FYN: variants seen among roughly 807,000 people sequenced by gnomAD.
The protein encoded by FYN is FYN proto-oncogene, Src family tyrosine kinase, also known as tyrosine-protein kinase Fyn.
Under a neutral mutation model 70.2 loss-of-function variants are expected in FYN, and 10 were observed. That is an observed-to-expected ratio of 0.14 (90% CI 0.09 to 0.24). The LOEUF (loss-of-function observed/expected upper bound fraction) is 0.24. Among genes scored for constraint, FYN ranks in the 10% least tolerant of loss-of-function variants. FYN has a pLI of 1.00. For missense variants in FYN, 319 were observed against 673.1 expected, an observed-to-expected ratio of 0.47 and a Z score of 5.82; for synonymous variants, 236 against 248.6, an observed-to-expected ratio of 0.95 and a Z score of 0.48.
intron 3 of FYN, among the ~76,000 whole-genome samples, chr6:111,775,168 A>G (rs993173311): frequency 2.6e-5 from 4 of 152,220 alleles, no homozygotes; most frequent in Admixed American, 2.0e-4. Context: ...CTAGTCATGC[A>G]CTAGAATATG....
intron 2 of FYN, among the ~76,000 whole-genome samples, chr6:111,806,604 C>A (rs1012405677): frequency 6.6e-6 from 1 of 152,146 alleles, no homozygotes; most frequent in African/African-American, 2.4e-5. Flanking sequence ...GCAGAGTGAC[C>A]CTCATAGGAC....
intron 2 of FYN, among the ~76,000 whole-genome samples, chr6:111,831,308 T>C (rs1455136092): frequency 1.3e-5 from 2 of 152,214 alleles, no homozygotes; most frequent in African/African-American, 2.4e-5. Context: ...TTCTATCATC[T>C]TGTTAAAATT....
intron 2 of FYN, among the ~76,000 whole-genome samples, chr6:111,845,238 C>T (rs1773491747): frequency 6.6e-6 from 1 of 152,260 alleles, no homozygotes; most frequent in Admixed American, 6.5e-5. Context: ...GGGCTCCTGG[C>T]ACCCATAGGC....
chr6:111,837,442 T>C (rs1479088420), intron 2 of FYN, among the ~76,000 whole-genome samples: 1 of 152,152 alleles, frequency 6.6e-6, no homozygotes, highest in Non-Finnish European at 1.5e-5. Flanking sequence ...CGTAGCATTA[T>C]CTATGTTGAC....
intron 12 of FYN, among the ~76,000 whole-genome samples, chr6:111,678,033 ACT>A (rs140448719): frequency 3.3e-4 from 49 of 150,704 alleles, no homozygotes; most frequent in African/African-American, 1.2e-3. Flanking sequence ...AGAAGTGACC[ACT>A]CTGTCATTTC....
chr6:111,825,692 C>T (rs930938989), intron 2 of FYN, among the ~76,000 whole-genome samples: 34 of 152,250 alleles, frequency 2.2e-4, no homozygotes, highest in African/African-American at 8.2e-4. Context: ...TTGCCCTGAC[C>T]TGTTTGGGGG....
At chr6:111,684,244 G>C (rs958568452) in intron 12 of FYN, among the ~76,000 whole-genome samples, 1 of 152,108 alleles carries the variant, frequency 6.6e-6, no homozygotes, top group Non-Finnish European at 1.5e-5. Flanking sequence ...GTGGAAGGTG[G>C]GCCCGAACAT....
chr6:111,722,262 C>T (rs1302771477), intron 3 of FYN, among the ~76,000 whole-genome samples: 1 of 152,222 alleles, frequency 6.6e-6, no homozygotes, highest in Non-Finnish European at 1.5e-5. Context: ...ATCTGGAACA[C>T]ATTTACTCCT....
At chr6:111,830,751 TATA>T (rs1325316242) in intron 2 of FYN, among the ~76,000 whole-genome samples, 1 of 152,128 alleles carries the variant, frequency 6.6e-6, no homozygotes, top group Non-Finnish European at 1.5e-5. Context: ...TATGACAACC[TATA>T]ATATTAGTAA....
intron 3 of FYN, among the ~76,000 whole-genome samples, chr6:111,767,247 A>T (rs1803259643): frequency 1.3e-5 from 2 of 152,194 alleles, no homozygotes; most frequent in Admixed American, 1.3e-4. Flanking sequence ...AACAAGAGTA[A>T]AAATCAGGTA....
chr6:111,866,032 C>G (rs565143674), intron 1 of FYN, among the ~76,000 whole-genome samples: 8 of 152,194 alleles, frequency 5.3e-5, no homozygotes, highest in Non-Finnish European at 1.0e-4. Context: ...AGTTTCCTTA[C>G]ATACACACAA....
intron 2 of FYN, chr6:111,798,436 G>T (rs1370033616): frequency 1.3e-5 from 2 of 152,212 alleles, no homozygotes; most frequent in Non-Finnish European, 2.9e-5. Context: ...TGAATTCTTT[G>T]ACTTTGACAA....
intron 3 of FYN, among the ~76,000 whole-genome samples, chr6:111,771,476 A>T (rs1013420779): frequency 6.6e-6 from 1 of 152,222 alleles, no homozygotes; most frequent in Non-Finnish European, 1.5e-5. Flanking sequence ...AATCCAGTTA[A>T]ATAACACTTC....
intron 13 of FYN, among the ~76,000 whole-genome samples, chr6:111,663,996 T>C (rs1161854999): frequency 6.6e-6 from 1 of 152,216 alleles, no homozygotes; most frequent in Non-Finnish European, 1.5e-5. Flanking sequence ...GTAACTCACT[T>C]GACTACAGAA....
At chr6:111,783,247 G>T (rs1771242647) in intron 2 of FYN, among the ~76,000 whole-genome samples, 1 of 152,108 alleles carries the variant, frequency 6.6e-6, no homozygotes, top group African/African-American at 2.4e-5. Context: ...ATTTGCTTTG[G>T]CAGAAATTCA....
chr6:111,823,472 C>T lies in FYN; in HGVS notation c.-82+23117G>A, dbSNP rs112578260. Among the ~76,000 whole-genome samples the T allele has an allele frequency of 4.4e-3, 673 of 152,280 alleles. 3 individuals are homozygous for T. Among genetic ancestry groups the T allele is most frequent in the African/African-American group, 0.015 (640 of 41,566 alleles). Reference sequence around the variant, plus strand: ...CTCAAGCGTTACGGCTTTCTGTAAGCTTGGCATTGAGGAGAAAATGTCAGG... The same window carrying T: ...CTCAAGCGTTACGGCTTTCTGTAAGTTTGGCATTGAGGAGAAAATGTCAGG... On this transcript the variant is annotated intron_variant, in intron 2 of 13. Coordinates refer to ENST00000354650, the MANE Select transcript of FYN (RefSeq NM_002037.5).
chr6:111,830,634 C>T (rs1490590260), intron 2 of FYN, among the ~76,000 whole-genome samples: 1 of 152,006 alleles, frequency 6.6e-6, no homozygotes, highest in Non-Finnish European at 1.5e-5. Flanking sequence ...TGAAAGAACA[C>T]AGAATAAAAA....
rs553814951 is a variant in FYN, at chr6:111,707,175, A to G, written c.443+747T>C. Among the ~76,000 whole-genome samples, 5 of 152,326 alleles carry G rather than the reference A, an allele frequency of 3.3e-5. No homozygotes were observed. The South Asian group carries it at 1.0e-3, about 32-fold the overall frequency. On this transcript the variant is annotated intron_variant, in intron 6 of 13. Transcript: ENST00000354650. ...AGGAGGCCAAGTTCCTGCATTTGGG[A>G]AATCATGGCTCCATCTCTCCTTCCC...
intron 3 of FYN, among the ~76,000 whole-genome samples, chr6:111,730,053 T>C (rs1399389212): frequency 6.6e-6 from 1 of 152,174 alleles, no homozygotes; most frequent in Non-Finnish European, 1.5e-5. Context: ...AGGGAGAGAC[T>C]GACTGATTCC....
Sources: allele counts gnomAD v4.1 joint callset (sites outside exome capture counted in the v4.1 genomes callset), GRCh38; gene constraint gnomAD v4.1.1; transcripts MANE v1.5; gene names NCBI Gene and HGNC (gene_info 2026-07-23, HGNC 2026-07-21).